NAA11: variants seen among roughly 807,000 people sequenced by gnomAD.
The protein encoded by NAA11 is N-alpha-acetyltransferase 11.
NAA11 carries 15 observed loss-of-function variants against 16.1 expected under a neutral mutation model. The observed-to-expected ratio is 0.93, with a 90% confidence interval of 0.62 to 1.44. The LOEUF (loss-of-function observed/expected upper bound fraction) is 1.44. Among genes scored for constraint, NAA11 ranks in the 40% most tolerant of loss-of-function variants. NAA11 has a pLI of 0.00. For missense variants in NAA11, 298 were observed against 291.3 expected, an observed-to-expected ratio of 1.02 and a Z score of -0.17; for synonymous variants, 122 against 112.4, an observed-to-expected ratio of 1.09 and a Z score of -0.54.
At chr4:79,160,394 G>A in the NAA11 span, among the ~76,000 whole-genome samples, 2 of 152,156 alleles carry the variant, frequency 1.3e-5, no homozygotes, top group African/African-American at 4.8e-5. Context: ...ATATTATTAA[G>A]AGTTGAGTTG....
intron 2 of NAA11, among the ~76,000 whole-genome samples, chr4:79,249,534 C>T (rs958222462): frequency 2.0e-5 from 3 of 152,090 alleles, no homozygotes; most frequent in African/African-American, 4.8e-5. Flanking sequence ...AACACCGGCT[C>T]TCTGAAATAA....
intron 1 of NAA11, chr4:79,306,609 C>T (rs1723586521): frequency 6.6e-6 from 1 of 152,184 alleles, no homozygotes; most frequent in Non-Finnish European, 1.5e-5. Flanking sequence ...CAGCCCATAA[C>T]AGAAATCATG....
intron 2 of NAA11, among the ~76,000 whole-genome samples, chr4:79,250,666 A>G (rs1029179124): frequency 6.6e-6 from 1 of 152,244 alleles, no homozygotes; most frequent in Non-Finnish European, 1.5e-5. Context: ...CTGCACAGCC[A>G]AAGAAACTAT....
At chr4:79,306,326 C>A (rs140722598) in intron 1 of NAA11, among the ~76,000 whole-genome samples, 2 of 152,234 alleles carry the variant, frequency 1.3e-5, no homozygotes, top group Non-Finnish European at 2.9e-5. Flanking sequence ...AGCCTGAGAT[C>A]AAGGTGTTGG....
intron 2 of NAA11, among the ~76,000 whole-genome samples, chr4:79,246,880 C>A (rs1468639921): frequency 6.6e-6 from 1 of 152,152 alleles, no homozygotes; most frequent in Non-Finnish European, 1.5e-5. Flanking sequence ...ATCGGAATCA[C>A]CCTCTCTCAA....
chr4:79,325,812 A>T lies in NAA11; in HGVS notation c.66T>A (p.Leu22=), dbSNP rs534318976. 5.1e-5 allele frequency: 83 copies of T among 1,614,142 alleles called. No individual in the cohort carries two copies. The South Asian group carries it at 9.0e-4, about 18-fold the overall frequency. The change falls in exon 1 of 2, where the codon CTT becomes CTA. Residue 22 remains leucine (L), a synonymous_variant. Coordinates refer to ENST00000286794, the MANE Select transcript of NAA11 (RefSeq NM_032693.3). ...AGTATTTCATCTGGTAGTTCTCAGG[A>T]AGGCAAAGGAGGTTGCAGTGTTGCA... The part of the protein sequence containing the change: ...MNMQHCNLLC[L]PENYQMKYYL...
chr4:79,284,750 T>C lies in NAA11; in HGVS notation c.*122+9255A>G, dbSNP rs1471283299. ...AGCCGGGCGCGGTGGCGGGCGCCTG[T>C]AGTCCCAGCTACTCGGGAGGCTGAG... On this transcript the variant is annotated intron_variant and NMD_transcript_variant, in intron 2 of 2. Coordinates refer to the NAA11 transcript ENST00000511542. Among the ~76,000 whole-genome samples the C allele has an allele frequency of 7.6e-5, 6 of 79,332 alleles. 1 individual carries two copies. The highest frequency in any genetic ancestry group is 1.3e-4 in the Admixed American group (1 of 7,840). The allele number at this position is 79,332 out of a possible 152,430, so 52.0% of individuals were successfully genotyped here.
intron 1 of NAA11, among the ~76,000 whole-genome samples, chr4:79,295,611 CTG>C (rs1441261361): frequency 6.6e-6 from 1 of 151,992 alleles, no homozygotes; most frequent in African/African-American, 2.4e-5. Flanking sequence ...GTAATATCCC[CTG>C]TGCTAAACAC....
chr4:79,263,458 A>G (rs986631285), intron 2 of NAA11, among the ~76,000 whole-genome samples: 2 of 152,140 alleles, frequency 1.3e-5, no homozygotes, highest in Non-Finnish European at 2.9e-5. Context: ...GAAAGCATTG[A>G]GAATTCTTGG....
intron 2 of NAA11, among the ~76,000 whole-genome samples, chr4:79,266,617 A>C (rs904140684): frequency 6.6e-6 from 1 of 152,284 alleles, no homozygotes; most frequent in African/African-American, 2.4e-5. Flanking sequence ...ACGGTTTTGC[A>C]CTCTCCAACA....
chr4:79,314,342 A>C (rs1723867081), downstream of NAA11, among the ~76,000 whole-genome samples: 1 of 152,108 alleles, frequency 6.6e-6, no homozygotes, highest in Non-Finnish European at 1.5e-5. Flanking sequence ...ATTAACATGG[A>C]AAAAAGCTCC....
intron 2 of NAA11, among the ~76,000 whole-genome samples, chr4:79,236,947 G>T (rs994435805): frequency 6.6e-6 from 1 of 152,072 alleles, no homozygotes; most frequent in African/African-American, 2.4e-5. Context: ...CCTTCTTGTG[G>T]GGGCTCTGGC....
chr4:79,203,939 GA>G, the NAA11 span, among the ~76,000 whole-genome samples: 1 of 151,758 alleles, frequency 6.6e-6, no homozygotes, highest in African/African-American at 2.4e-5. Context: ...ATTAGAAATA[GA>G]AGTGCAAATT....
chr4:79,194,919 A>T, the NAA11 span, among the ~76,000 whole-genome samples: 3 of 152,104 alleles, frequency 2.0e-5, no homozygotes, highest in Non-Finnish European at 2.9e-5. Context: ...GGTAGGTTTG[A>T]GTCCAGATGG....
chr4:79,287,267 C>G (rs1722962671), intron 2 of NAA11, among the ~76,000 whole-genome samples: 1 of 152,064 alleles, frequency 6.6e-6, no homozygotes, highest in South Asian at 2.1e-4. Context: ...ACTCAGGAGT[C>G]AAACAGACAT....
the NAA11 span, among the ~76,000 whole-genome samples, chr4:79,214,936 C>T: frequency 6.6e-6 from 1 of 152,202 alleles, no homozygotes; most frequent in Non-Finnish European, 1.5e-5. Context: ...TCTTAGACTT[C>T]CTACTCTCCA....
At chr4:79,184,836 A>C in the NAA11 span, among the ~76,000 whole-genome samples, 1 of 152,234 alleles carries the variant, frequency 6.6e-6, no homozygotes, top group Non-Finnish European at 1.5e-5. Context: ...GCACATAGAC[A>C]CTGAGATTTA....
intron 1 of NAA11, among the ~76,000 whole-genome samples, chr4:79,323,570 C>T (rs566961953): frequency 9.3e-4 from 142 of 152,202 alleles, no homozygotes; most frequent in African/African-American, 3.2e-3. Flanking sequence ...CCTGTAACCC[C>T]AGCACTTTGG....
At chr4:79,294,303 C>T (rs183335844) in intron 1 of NAA11, among the ~76,000 whole-genome samples, 1 of 152,136 alleles carries the variant, frequency 6.6e-6, no homozygotes, top group Non-Finnish European at 1.5e-5. Context: ...ACTTACCCTA[C>T]AATCAAGGAA....
Sources: allele counts gnomAD v4.1 joint callset (sites outside exome capture counted in the v4.1 genomes callset), GRCh38; gene constraint gnomAD v4.1.1; transcripts MANE v1.5; gene names NCBI Gene and HGNC (gene_info 2026-07-23, HGNC 2026-07-21).